Variants in ZNF644 observed in about 807,000 individuals in gnomAD.
ZNF644 encodes the protein zinc finger protein 644.
A neutral mutation model predicts 108.0 loss-of-function variants in ZNF644; 20 were observed. The observed-to-expected ratio is 0.19, with a 90% CI of 0.13 to 0.27. The LOEUF (loss-of-function observed/expected upper bound fraction) is 0.27, where lower values mean the gene tolerates loss of function less well. Ranked by LOEUF, ZNF644 falls within the 10% of genes least tolerant of loss-of-function variation. The pLI, the probability that ZNF644 is intolerant of heterozygous loss-of-function variation, is 1.00. For synonymous variants in ZNF644, 542 were observed against 539.1 expected, an observed-to-expected ratio of 1.01 and a Z score of -0.08; for missense variants, 1,338 against 1,548.9, an observed-to-expected ratio of 0.86 and a Z score of 2.29.
rs750393757 is a variant in ZNF644, at chr1:90,939,409, T to A, written c.1945A>T (p.Thr649Ser). ...AAAGCAGAGTTCTTTGGAAATGTGG[T>A]TGACTGTTGTTTAGTTAATGTTTTA... ...STKTLTKQQS[T>S]TFPKNSALKQ... The change falls in exon 3 of 6, where the codon ACC becomes TCC. Residue 649 changes from threonine to serine, a missense_variant. By Grantham distance (58) the Thr-to-Ser change is moderately conservative (BLOSUM62 1). This residue lies in a region of ZNF644 where 462 missense variants were observed against 472.6 expected (regional missense o/e 0.98). Coordinates refer to ENST00000337393, the MANE Select transcript of ZNF644 (RefSeq NM_201269.3). 3 of 1,614,002 alleles carry A rather than the reference T, an allele frequency of 1.9e-6. No individual in the cohort carries two copies. Among genetic ancestry groups the A allele is most frequent in the Middle Eastern group, 3.3e-4 (2 of 6,062 alleles).
At chr1:90,923,120 G>C (rs1164572758) in intron 4 of ZNF644, among the ~76,000 whole-genome samples, 2 of 152,098 alleles carry the variant, frequency 1.3e-5, no homozygotes, top group Non-Finnish European at 2.9e-5. Context: ...GTGCCTAGGA[G>C]ACCAGCTTCA....
chr1:91,014,182 T>G (rs1660224869), intron 1 of ZNF644, among the ~76,000 whole-genome samples: 1 of 152,210 alleles, frequency 6.6e-6, no homozygotes, highest in Admixed American at 6.5e-5. Context: ...TAGTTATATT[T>G]TGTGGTGTGA....
chr1:90,952,220 G>A lies in ZNF644; in HGVS notation c.45-10911C>T, dbSNP rs114166157. Among the ~76,000 whole-genome samples the A allele has an allele frequency of 2.5e-3, 374 of 152,296 alleles. 3 individuals are homozygous for A. Among genetic ancestry groups the A allele is most frequent in the African/African-American group, 8.6e-3 (358 of 41,552 alleles). On this transcript the variant is annotated intron_variant, in intron 2 of 5. Transcript: ENST00000337393. ...GCTGTAAAGACTGGCTTTGTTAAAT[G>A]TTACAAGACAGACATTTTCTGTAAC...
chr1:90,936,412 AAGAAAAAGCCG>A (rs1651328097), intron 4 of ZNF644, among the ~76,000 whole-genome samples: 1 of 152,192 alleles, frequency 6.6e-6, no homozygotes, highest in Admixed American at 6.6e-5. Context: ...CTTTATTCGA[AAGAAAAAGCCG>A]GATTAAACAG....
intron 2 of ZNF644, among the ~76,000 whole-genome samples, chr1:90,969,781 T>C (rs768662923): frequency 3.9e-5 from 6 of 152,160 alleles, no homozygotes; most frequent in South Asian, 4.1e-4. Context: ...ATCACAGATA[T>C]GTGTATGTAG....
chr1:90,975,448 T>G (rs1298050988), intron 2 of ZNF644, among the ~76,000 whole-genome samples: 1 of 150,668 alleles, frequency 6.6e-6, no homozygotes, highest in Non-Finnish European at 1.5e-5. Context: ...TTTTTTTTTT[T>G]TTTTTTTGAG....
intron 2 of ZNF644, among the ~76,000 whole-genome samples, chr1:90,957,012 A>ATG (rs1653817606): frequency 6.6e-6 from 1 of 152,160 alleles, no homozygotes. Flanking sequence ...ATAACAGAAT[A>ATG]CTATGAATAA....
At chr1:90,926,831 A>C (rs1045311472) in intron 4 of ZNF644, among the ~76,000 whole-genome samples, 2 of 152,138 alleles carry the variant, frequency 1.3e-5, no homozygotes, top group Admixed American at 1.3e-4. Flanking sequence ...TCTACCCTGC[A>C]ATTTTTCCTC....
chr1:90,987,470 A>G (rs895052397), intron 1 of ZNF644, among the ~76,000 whole-genome samples: 9 of 152,024 alleles, frequency 5.9e-5, no homozygotes, highest in Admixed American at 5.9e-4. Flanking sequence ...ACCTAGCAAA[A>G]CGAGGACATG....
intron 2 of ZNF644, among the ~76,000 whole-genome samples, chr1:90,947,204 G>T (rs1375931800): frequency 6.6e-6 from 1 of 152,166 alleles, no homozygotes; most frequent in Non-Finnish European, 1.5e-5. Flanking sequence ...GCAACCAAAG[G>T]AGAGTACTAA....
chr1:90,957,140 G>C (rs1283225238), intron 2 of ZNF644, among the ~76,000 whole-genome samples: 2 of 152,030 alleles, frequency 1.3e-5, no homozygotes, highest in East Asian at 3.9e-4. Context: ...TACAAGTAAA[G>C]AGAATGAACT....
Position 90,916,793 on chromosome 1 carries a change from T to A in ZNF644, c.*5A>T, listed in dbSNP as rs748711446. 6.2e-7 allele frequency: 1 copy of A among 1,614,128 alleles called. No homozygotes were observed. The highest frequency in any genetic ancestry group is 1.7e-5 in the Admixed American group (1 of 60,026). On this transcript the variant is annotated 3_prime_UTR_variant, in exon 6 of 6. Coordinates refer to ENST00000337393, the MANE Select transcript of ZNF644 (RefSeq NM_201269.3). ...CAAACTGGCTATTTAAAAGGTTTCCTGGTTCTATGAAGCTGCTTCGGCCAT... is the reference window on the plus strand; with the variant it reads ...CAAACTGGCTATTTAAAAGGTTTCCAGGTTCTATGAAGCTGCTTCGGCCAT...
intron 2 of ZNF644, among the ~76,000 whole-genome samples, chr1:90,981,961 G>A (rs1656593212): frequency 6.6e-6 from 1 of 152,042 alleles, no homozygotes; most frequent in Non-Finnish European, 1.5e-5. Context: ...GAACAATGAA[G>A]TGACACAATA....
At chr1:90,966,525 A>G (rs1654911282) in intron 2 of ZNF644, among the ~76,000 whole-genome samples, 1 of 152,058 alleles carries the variant, frequency 6.6e-6, no homozygotes, top group Admixed American at 6.6e-5. Flanking sequence ...TAAGGCAGGC[A>G]GATCACCTGA....
intron 2 of ZNF644, among the ~76,000 whole-genome samples, chr1:90,957,562 T>C (rs1489082930): frequency 6.6e-6 from 1 of 152,134 alleles, no homozygotes; most frequent in Non-Finnish European, 1.5e-5. Context: ...GAAAAAGCAT[T>C]TGACAAAATT....
chr1:91,016,269 GT>G (rs142667678), intron 1 of ZNF644, among the ~76,000 whole-genome samples: 2,088 of 152,270 alleles, frequency 0.014, 29 homozygotes, highest in African/African-American at 0.041. Context: ...GAAAGTACTA[GT>G]TTTACAGTCA....
chr1:91,021,073 C>A (rs1275583992), intron 1 of ZNF644: 1 of 152,232 alleles, frequency 6.6e-6, no homozygotes, highest in African/African-American at 2.4e-5. Context: ...TTTAGCTCCA[C>A]CACCTAAGTT....
At chr1:90,983,481 CA>C (rs768476839) in intron 1 of ZNF644, among the ~76,000 whole-genome samples, 2,106 of 63,436 alleles carry the variant, frequency 0.033, 31 homozygotes, top group African/African-American at 0.098. Flanking sequence ...CCTCATATGG[CA>C]AAAAAAAAAA....
intron 4 of ZNF644, 145 bp downstream of exon 4, chr1:90,937,340 A>G (rs774528056): frequency 1.8e-6 from 2 of 1,095,500 alleles, no homozygotes; most frequent in Admixed American, 4.3e-5. Flanking sequence ...ATGACAGTAG[A>G]ATAACCAATC....
Sources: gnomAD v4.1 joint callset for allele counts (sites outside exome capture counted in the v4.1 genomes callset) on GRCh38, gnomAD v4.1.1 for gene constraint, gnomAD v4.1.1 regional missense constraint, MANE v1.5 for transcripts, NCBI Gene and HGNC (gene_info 2026-07-23, HGNC 2026-07-21) for gene names.